The following RBFOX1 variants were observed in gnomAD, a reference collection of about 807,000 sequenced individuals.
The protein encoded by RBFOX1 is RNA binding fox-1 homolog 1.
RBFOX1 carries 8 observed loss-of-function variants against 57.7 expected under a neutral mutation model. The observed-to-expected ratio is 0.14, with a 90% CI of 0.08 to 0.25. RBFOX1 has a LOEUF of 0.25. Ranked by LOEUF, RBFOX1 falls within the 10% of genes least tolerant of loss-of-function variation. The pLI, the probability that RBFOX1 is intolerant of heterozygous loss-of-function variation, is 1.00. For missense variants in RBFOX1, 611 were observed against 548.5 expected, an observed-to-expected ratio of 1.11 and a Z score of -1.14; for synonymous variants, 326 against 222.4, an observed-to-expected ratio of 1.47 and a Z score of -4.15.
Position 6,346,853 on chromosome 16 carries a change from G to T in RBFOX1, c.-64+29796G>T, listed in dbSNP as rs543239221. On this transcript the variant is annotated intron_variant, in intron 2 of 15. Transcript: ENST00000550418. ...TATTACCAGAATAACCTCTTGACAA[G>T]ACAGAGTTTTCTGTTTAACTGAATT... Among the ~76,000 whole-genome samples the T allele has an allele frequency of 1.2e-4, 19 of 152,176 alleles. No individual in the cohort carries two copies. In the South Asian group the frequency reaches 3.7e-3, roughly 30 times the overall value.
At chr16:7,202,227 T>A (rs1046452923) in intron 4 of RBFOX1, among the ~76,000 whole-genome samples, 1 of 151,066 alleles carries the variant, frequency 6.6e-6, no homozygotes, top group Non-Finnish European at 1.5e-5. Context: ...TCAACATCAT[T>A]AATCATTAGA....
At chr16:6,518,485 G>C (rs780779109) in intron 2 of RBFOX1, among the ~76,000 whole-genome samples, 1 of 152,106 alleles carries the variant, frequency 6.6e-6, no homozygotes, top group African/African-American at 2.4e-5. Context: ...GGCACACTGA[G>C]AGTCAGTTAT....
chr16:5,486,009 G>A (rs1482451671), intron 2 of RBFOX1, among the ~76,000 whole-genome samples: 2 of 152,122 alleles, frequency 1.3e-5, no homozygotes, highest in South Asian at 2.1e-4. Context: ...GTCAGAATTC[G>A]GTATGAGCTC....
intron 2 of RBFOX1, among the ~76,000 whole-genome samples, chr16:6,652,855 A>T (rs931400010): frequency 6.6e-6 from 1 of 152,200 alleles, no homozygotes; most frequent in Non-Finnish European, 1.5e-5. Flanking sequence ...AACAGTTTGT[A>T]TGGGTAATGC....
At chr16:6,954,540 A>G (rs1162370847) in intron 3 of RBFOX1, among the ~76,000 whole-genome samples, 1 of 152,186 alleles carries the variant, frequency 6.6e-6, no homozygotes, top group East Asian at 1.9e-4. Context: ...ATACATGCCA[A>G]CTGTCCTCAC....
chr16:7,298,504 C>G (rs534919204), intron 4 of RBFOX1, among the ~76,000 whole-genome samples: 1 of 151,974 alleles, frequency 6.6e-6, no homozygotes, highest in African/African-American at 2.4e-5. Context: ...CTTGGCCAGT[C>G]TCATCTTGAA....
At chr16:5,866,298 C>G (rs1051489870) in intron 3 of RBFOX1, among the ~76,000 whole-genome samples, 1 of 152,168 alleles carries the variant, frequency 6.6e-6, no homozygotes, top group African/African-American at 2.4e-5. Context: ...GGCACTAATC[C>G]CATCATGAGG....
chr16:5,817,789 G>C (rs2055696027), intron 3 of RBFOX1, among the ~76,000 whole-genome samples: 1 of 151,606 alleles, frequency 6.6e-6, no homozygotes, highest in Admixed American at 6.6e-5. Flanking sequence ...CGACTCCCGG[G>C]TTCGCGCCAT....
At chr16:6,968,451 G>A (rs143873371) in intron 3 of RBFOX1, among the ~76,000 whole-genome samples, 1 of 152,150 alleles carries the variant, frequency 6.6e-6, no homozygotes, top group Non-Finnish European at 1.5e-5. Flanking sequence ...CATGCTGCCT[G>A]ACGCTATCCG....
At chr16:5,811,890 C>T (rs1269074461) in intron 3 of RBFOX1, among the ~76,000 whole-genome samples, 1 of 152,168 alleles carries the variant, frequency 6.6e-6, no homozygotes, top group Admixed American at 6.5e-5. Flanking sequence ...TTTAGAACTC[C>T]ATCACCTCAG....
At chr16:7,466,671 C>G (rs963006954) in intron 4 of RBFOX1, among the ~76,000 whole-genome samples, 6 of 152,144 alleles carry the variant, frequency 3.9e-5, no homozygotes, top group Non-Finnish European at 8.8e-5. Flanking sequence ...TCTCAGTGTC[C>G]ACATCTGTAA....
At chr16:7,652,737 A>G (rs1374545810) in intron 11 of RBFOX1, among the ~76,000 whole-genome samples, 1 of 152,328 alleles carries the variant, frequency 6.6e-6, no homozygotes, top group East Asian at 1.9e-4. Context: ...TCGGGGTCCC[A>G]GACTTATCGC....
intron 2 of RBFOX1, among the ~76,000 whole-genome samples, chr16:5,544,948 A>ATTT (rs1229178204): frequency 1.8e-5 from 2 of 112,708 alleles, no homozygotes; most frequent in African/African-American, 7.7e-5. Flanking sequence ...TTACTATTAC[A>ATTT]TTCTTTTTTT....
Position 5,314,835 on chromosome 16 carries a change from A to AG in RBFOX1, c.219+74730_219+74731insG, listed in dbSNP as rs2064190117. On this transcript the variant is annotated intron_variant, in intron 1 of 2. Coordinates refer to the RBFOX1 transcript ENST00000585867. ...TTAAAACCAGAAGATATTGGAAAAA[A>AG]AAAAAAAAAGAACTTTCAGGTCAAA... Among the ~76,000 whole-genome samples, 7 of 151,828 alleles carry AG rather than the reference A, an allele frequency of 4.6e-5. No homozygotes were observed. In the South Asian group the frequency reaches 1.5e-3, roughly 32 times the overall value.
At chr16:6,339,241 G>C (rs1479118250) in intron 2 of RBFOX1, among the ~76,000 whole-genome samples, 1 of 152,166 alleles carries the variant, frequency 6.6e-6, no homozygotes, top group African/African-American at 2.4e-5. Flanking sequence ...TTAGAGGTGG[G>C]ACTTTCATAC....
intron 3 of RBFOX1, among the ~76,000 whole-genome samples, chr16:5,818,241 C>T (rs896064477): frequency 6.6e-6 from 1 of 152,164 alleles, no homozygotes; most frequent in African/African-American, 2.4e-5. Flanking sequence ...GCATTGTGTA[C>T]CGTCATCAGT....
At chr16:5,265,519 T>C (rs1474688667) in intron 1 of RBFOX1, among the ~76,000 whole-genome samples, 4 of 152,220 alleles carry the variant, frequency 2.6e-5, no homozygotes, top group Admixed American at 2.6e-4. Context: ...CAACTATCAG[T>C]AAGAACATAA....
intron 3 of RBFOX1, among the ~76,000 whole-genome samples, chr16:6,995,407 G>A (rs1376632727): frequency 6.6e-6 from 1 of 151,660 alleles, no homozygotes; most frequent in Non-Finnish European, 1.5e-5. Context: ...ATTGTGACGT[G>A]TGATAGACCT....
At chr16:6,579,119 T>A (rs1177215340) in intron 2 of RBFOX1, among the ~76,000 whole-genome samples, 2 of 152,232 alleles carry the variant, frequency 1.3e-5, no homozygotes, top group Non-Finnish European at 2.9e-5. Context: ...TTTTCTTCTA[T>A]TTTGGTTCTA....
Sources: gnomAD v4.1 joint callset for allele counts (sites outside exome capture counted in the v4.1 genomes callset) on GRCh38, gnomAD v4.1.1 for gene constraint, MANE v1.5 for transcripts, NCBI Gene and HGNC (gene_info 2026-07-23, HGNC 2026-07-21) for gene names.